The following TSPAN17 variants were observed in gnomAD, a reference collection of about 807,000 sequenced individuals.
TSPAN17 encodes the protein tetraspanin 17, also known as tetraspanin-17.
A neutral mutation model predicts 40.5 loss-of-function variants in TSPAN17; 33 were observed. That is an observed-to-expected ratio of 0.81 (90% CI 0.62 to 1.09). The LOEUF (loss-of-function observed/expected upper bound fraction) is 1.09, where lower values mean the gene tolerates loss of function less well. Ranked by LOEUF, TSPAN17 falls within the 50% of genes least tolerant of loss-of-function variation. The pLI is 0.00. For missense variants in TSPAN17, 365 were observed against 416.8 expected, an observed-to-expected ratio of 0.88 and a Z score of 1.08; for synonymous variants, 166 against 169.4, an observed-to-expected ratio of 0.98 and a Z score of 0.15.
At chr5:176,653,025 G>A (rs77741894) in intron 4 of TSPAN17, 112 bp downstream of exon 4, 2 of 1,220,078 alleles carry the variant, frequency 1.6e-6, no homozygotes, top group African/African-American at 1.5e-5. Flanking sequence ...GGGCTAGCGG[G>A]CCCCAGGAGA....
At chr5:176,648,972 A>C (rs1760854161) in intron 1 of TSPAN17, among the ~76,000 whole-genome samples, 1 of 152,162 alleles carries the variant, frequency 6.6e-6, no homozygotes, top group Non-Finnish European at 1.5e-5. Flanking sequence ...GGTGAGGCAG[A>C]GCTGTGAGCA....
chr5:176,649,717 A>C (rs1039516269), intron 1 of TSPAN17, among the ~76,000 whole-genome samples: 1 of 152,018 alleles, frequency 6.6e-6, no homozygotes, highest in Admixed American at 6.5e-5. Context: ...GTGAGCCACC[A>C]CGCCCGGCCA....
intron 1 of TSPAN17, among the ~76,000 whole-genome samples, chr5:176,648,128 C>CCCCGGCCTCCTTT (rs1445614816): frequency 6.6e-6 from 1 of 152,180 alleles, no homozygotes; most frequent in Non-Finnish European, 1.5e-5. Flanking sequence ...CAGGCCCCTT[C>CCCCGGCCTCCTTT]CCCGGCCTCC....
chr5:176,647,722 C>A lies in TSPAN17; in HGVS notation c.87+20C>A. ...TTCTGGGTGAGCGCGGGGTCTGCGC[C>A]TTGCCCTGTGCTGGGGGGTGGTGGG... On this transcript the variant is annotated intron_variant, in intron 1 of 8. Transcript: ENST00000508164. The A allele has an allele frequency of 6.4e-7, 1 of 1,569,826 alleles. No homozygotes were observed. Among genetic ancestry groups the A allele is most frequent in the East Asian group, 2.4e-5 (1 of 41,684 alleles).
At chr5:176,656,182 G>T (rs1761150499) in intron 6 of TSPAN17, 57 bp downstream of exon 6, 1 of 1,576,748 alleles carries the variant, frequency 6.3e-7, no homozygotes, top group Admixed American at 1.7e-5. Flanking sequence ...GGTTGGGTAT[G>T]AGAGTGTCTA....
Position 176,647,665 on chromosome 5 carries a change from G to A in TSPAN17, c.50G>A (p.Gly17Glu). The part of the protein sequence containing the change: ...HFQEPEVGCC[G>E]KYFLFGFNIV... The stretch of plus-strand genomic sequence containing the variant: ...CAGGAACCTGAGGTCGGCTGCTGCG[G>A]GAAATACTTCCTGTTTGGCTTCAAC... The change falls in exon 1 of 9, where the codon GGG becomes GAG. Residue 17 changes from glycine to glutamate, a missense_variant. Coordinates refer to ENST00000508164, the MANE Select transcript of TSPAN17 (RefSeq NM_130465.5). 3 of 1,604,240 alleles carry A rather than the reference G, an allele frequency of 1.9e-6. No individual in the cohort carries two copies. The highest frequency in any genetic ancestry group is 1.7e-5 in the Admixed American group (1 of 58,742).
chr5:176,652,884 C>T lies in TSPAN17; in HGVS notation c.427C>T (p.Gln143Ter). ...VKAYRDDIDLQNLIDFAQEYW... is the reference protein window; with the variant it reads ...VKAYRDDIDL ...GGCCTACCGGGACGACATTGACCTC[C>T]AGAACCTCATTGACTTTGCTCAGGA... The change falls in exon 4 of 9, where the codon CAG (glutamine) becomes TAG (stop). Residue 143 changes from glutamine to a stop codon, truncating the protein, a stop_gained. Coordinates refer to ENST00000508164, the MANE Select transcript of TSPAN17 (RefSeq NM_130465.5). LOFTEE classifies it high-confidence loss of function. 1 of 1,614,210 alleles carries T rather than the reference C, an allele frequency of 6.2e-7. No individual in the cohort carries two copies. The highest frequency in any genetic ancestry group is 8.5e-7 in the Non-Finnish European group (1 of 1,180,020).
At chr5:176,647,779 C>G (rs1325954785) in intron 1 of TSPAN17, 77 bp downstream of exon 1, 3 of 1,344,860 alleles carry the variant, frequency 2.2e-6, no homozygotes, top group Non-Finnish European at 3.0e-6. Context: ...CTGGGGGAGA[C>G]CACTCCCTGC....
At chr5:176,653,088 G>A in intron 4 of TSPAN17, 175 bp downstream of exon 4, 1 of 649,762 alleles carries the variant, frequency 1.5e-6, no homozygotes, top group South Asian at 2.0e-5. Context: ...TGATCCTTAT[G>A]GGTCCCCATT....
At chr5:176,653,616 T>A (rs907364966) in intron 4 of TSPAN17, 1 of 150,918 alleles carries the variant, frequency 6.6e-6, no homozygotes, top group Non-Finnish European at 1.5e-5. Context: ...CTACACATGG[T>A]CCCACAGTCA....
chr5:176,649,855 C>G (rs1177322281), intron 1 of TSPAN17, among the ~76,000 whole-genome samples: 2 of 152,216 alleles, frequency 1.3e-5, no homozygotes, highest in East Asian at 1.9e-4. Context: ...TCTGCCTGTG[C>G]CCTACCCTCC....
chr5:176,654,816 C>A lies in TSPAN17; in HGVS notation c.457-79C>A. On this transcript the variant is annotated intron_variant, in intron 4 of 8. Coordinates refer to ENST00000508164, the MANE Select transcript of TSPAN17 (RefSeq NM_130465.5). The surrounding 1 kb of genome is among the most constrained non-coding windows in gnomAD (Gnocchi z 4.3). The stretch of plus-strand genomic sequence containing the variant: ...TGTCCCAGACAGCCCTGTATTCCTG[C>A]AGCCTGGGCTTGTTCCCAAACAGGG... 6.5e-7 allele frequency: 1 copy of A among 1,549,826 alleles called. No individual in the cohort carries two copies. The highest frequency in any genetic ancestry group is 1.8e-5 in the Admixed American group (1 of 54,142).
At position 176,656,697 on chromosome 5, in the gene TSPAN17, C is replaced by G. The variant is rs1200669196; in HGVS notation, c.631-3C>G. 2 of 1,613,950 alleles carry G rather than the reference C, an allele frequency of 1.2e-6. No individual in the cohort carries two copies. The highest frequency in any genetic ancestry group is 2.2e-5 in the South Asian group (2 of 91,082). On this transcript the variant is annotated splice_polypyrimidine_tract_variant and splice_region_variant and intron_variant, in intron 6 of 8. Coordinates refer to ENST00000508164, the MANE Select transcript of TSPAN17 (RefSeq NM_130465.5). Reference sequence around the variant, plus strand: ...GCTGAGCCTGGTGCCTGCGTGTCCCCAGGAGCTGGAGCAGCAGGGCTTCAT... The same window carrying G: ...GCTGAGCCTGGTGCCTGCGTGTCCCGAGGAGCTGGAGCAGCAGGGCTTCAT...
At position 176,651,432 on chromosome 5, in the gene TSPAN17, G is replaced by C. The variant is rs1304060631; in HGVS notation, c.88-184G>C. Among the ~76,000 whole-genome samples the C allele has an allele frequency of 6.6e-6, 1 of 152,216 alleles. No homozygotes were observed. Among genetic ancestry groups the C allele is most frequent in the African/African-American group, 2.4e-5 (1 of 41,442 alleles). Reference sequence around the variant, plus strand: ...AGCAGAGGGTTCAGTCCTCCAGGCTGTGTCCTGTGGGGAAGAAGCACTGGG... The same window carrying C: ...AGCAGAGGGTTCAGTCCTCCAGGCTCTGTCCTGTGGGGAAGAAGCACTGGG... On this transcript the variant is annotated intron_variant, in intron 1 of 8. Coordinates refer to ENST00000508164, the MANE Select transcript of TSPAN17 (RefSeq NM_130465.5). The surrounding 1 kb of genome is among the most constrained non-coding windows in gnomAD (Gnocchi z 4.5).
At chr5:176,656,601 A>C (rs1761163569) in intron 6 of TSPAN17, 99 bp from the exon 7 acceptor site, 1 of 1,143,530 alleles carries the variant, frequency 8.7e-7, no homozygotes, top group Non-Finnish European at 1.3e-6. Context: ...CAGGTACTGC[A>C]GGTTTAGACC....
Position 176,658,682 on chromosome 5 carries a change from T to C in TSPAN17, c.*984T>C, listed in dbSNP as rs1044560916. 6.6e-6 allele frequency: 1 copy of C among 152,276 alleles called. No homozygotes were observed. Among genetic ancestry groups the C allele is most frequent in the African/African-American group, 2.4e-5 (1 of 41,474 alleles). 9.4% of individuals were successfully genotyped at this position (152,276 alleles called of 1,614,324 possible). A position where few individuals can be genotyped will look rare whatever the true frequency, so the allele number is the denominator to read the frequency against. On this transcript the variant is annotated 3_prime_UTR_variant, in exon 9 of 9. Transcript: ENST00000508164. Reference sequence around the variant, plus strand: ...CGCTGCCATATTCAGGTGTAGCTAATTGCTCTGGTGTGGGAATGCAGGCCT... The same window carrying C: ...CGCTGCCATATTCAGGTGTAGCTAACTGCTCTGGTGTGGGAATGCAGGCCT...
chr5:176,649,266 C>G (rs1182423895), intron 1 of TSPAN17, among the ~76,000 whole-genome samples: 2 of 151,970 alleles, frequency 1.3e-5, no homozygotes, highest in Non-Finnish European at 2.9e-5. Flanking sequence ...GCTGAATTGA[C>G]TGGGCTGGGT....
At position 176,652,813 on chromosome 5, in the gene TSPAN17, A is replaced by G. The variant is rs1761020373; in HGVS notation, c.356A>G (p.Asp119Gly). 5 of 1,614,116 alleles carry G rather than the reference A, an allele frequency of 3.1e-6. No homozygotes were observed. Among genetic ancestry groups the G allele is most frequent in the Non-Finnish European group, 4.2e-6 (5 of 1,179,998 alleles). Residue 119 changes from aspartate (D) to glycine (G), a missense_variant, in exon 4 of 9, where the codon GAC (aspartate) becomes GGC (glycine). By Grantham distance (94) the Asp-to-Gly change is moderately conservative. Coordinates refer to ENST00000508164, the MANE Select transcript of TSPAN17 (RefSeq NM_130465.5). ...GGGATCCTGGCCTTTGTCTTCAAGG[A>G]CTGGATTCGAGACCAGCTCAACCTC... ...ATGILAFVFK[D>G]WIRDQLNLFI...
At chr5:176,655,548 CCATT>C (rs1354724448) in intron 5 of TSPAN17, among the ~76,000 whole-genome samples, 1 of 152,060 alleles carries the variant, frequency 6.6e-6, no homozygotes, top group Non-Finnish European at 1.5e-5. Context: ...AGGTTTCTCC[CCATT>C]CTTATAACAC....
Sources: allele counts gnomAD v4.1 joint callset (sites outside exome capture counted in the v4.1 genomes callset), GRCh38; gene constraint gnomAD v4.1.1; non-coding constraint Gnocchi (gnomAD v3.1); transcripts MANE v1.5; gene names NCBI Gene and HGNC (gene_info 2026-07-23, HGNC 2026-07-21).